DMRT1: variants seen among roughly 807,000 people sequenced by gnomAD.
DMRT1 encodes doublesex- and mab-3-related transcription factor 1.
In DMRT1, 7 loss-of-function variants were observed where a neutral mutation model predicts 32.3. The ratio of observed to expected loss-of-function variants is 0.22; its 90% CI spans 0.12 to 0.41. The LOEUF is 0.41. DMRT1 is among the 10% of genes least tolerant of loss of function. The pLI, the probability that DMRT1 is intolerant of heterozygous loss-of-function variation, is 1.00. For missense variants in DMRT1, 625 were observed against 500.5 expected, an observed-to-expected ratio of 1.25 and a Z score of -2.37; for synonymous variants, 278 against 206.1, an observed-to-expected ratio of 1.35 and a Z score of -2.99.
intron 2 of DMRT1, among the ~76,000 whole-genome samples, chr9:873,485 TC>T (rs1278135704): frequency 6.6e-6 from 1 of 151,876 alleles, no homozygotes; most frequent in Non-Finnish European, 1.5e-5. Context: ...TTTTGTATTT[TC>T]TTTTTTTTTT....
chr9:872,687 T>G (rs1329195689), intron 2 of DMRT1, among the ~76,000 whole-genome samples: 1 of 152,254 alleles, frequency 6.6e-6, no homozygotes, highest in Non-Finnish European at 1.5e-5. Context: ...ATCAGTATTT[T>G]ATTGTATGAA....
At chr9:958,810 G>C (rs890299847) in intron 4 of DMRT1, among the ~76,000 whole-genome samples, 1 of 152,252 alleles carries the variant, frequency 6.6e-6, no homozygotes, top group Admixed American at 6.5e-5. Flanking sequence ...TTGTGGATTA[G>C]ATAGGAAACC....
At chr9:874,007 TATGGTGACC>T (rs1422453499) in intron 2 of DMRT1, among the ~76,000 whole-genome samples, 1 of 152,190 alleles carries the variant, frequency 6.6e-6, no homozygotes, top group Non-Finnish European at 1.5e-5. Context: ...TCCTACAGAG[TATGGTGACC>T]ATGTATTTTG....
In DMRT1 at chr9:937,303, A is replaced by G. The variant is rs34723874; in HGVS notation, c.967+20396A>G. On this transcript the variant is annotated intron_variant, in intron 4 of 4. Transcript: ENST00000382276. ...CTACTGTGAAATAATGCTGCTGTGA[A>G]GTTTGGTGTACAAGTATCTGTGTGA... Among the ~76,000 whole-genome samples, 353 of 147,462 alleles carry G rather than the reference A, an allele frequency of 2.4e-3. 1 individual carries two copies. The highest frequency in any genetic ancestry group is 8.6e-3 in the African/African-American group (329 of 38,426).
chr9:902,333 C>G (rs1170302069), intron 3 of DMRT1, among the ~76,000 whole-genome samples: 1 of 151,730 alleles, frequency 6.6e-6, no homozygotes, highest in Non-Finnish European at 1.5e-5. Flanking sequence ...ACACCCCCTC[C>G]TCCTCCACCT....
chr9:941,610 A>C (rs1199932703), intron 4 of DMRT1, among the ~76,000 whole-genome samples: 1 of 152,130 alleles, frequency 6.6e-6, no homozygotes, highest in East Asian at 1.9e-4. Flanking sequence ...CTGGAGATGG[A>C]GGGTGGTGAT....
chr9:910,178 A>G (rs568353149), intron 3 of DMRT1, among the ~76,000 whole-genome samples: 1 of 152,270 alleles, frequency 6.6e-6, no homozygotes, highest in South Asian at 2.1e-4. Context: ...AACGCTGAAG[A>G]TTTTTTTGTC....
intron 2 of DMRT1, among the ~76,000 whole-genome samples, chr9:874,130 T>G (rs2132615512): frequency 6.6e-6 from 1 of 152,362 alleles, no homozygotes; most frequent in East Asian, 1.9e-4. Context: ...GAATAGGGGG[T>G]AGAATCTCTT....
chr9:869,144 G>A (rs1816120615), intron 2 of DMRT1, among the ~76,000 whole-genome samples: 1 of 152,336 alleles, frequency 6.6e-6, no homozygotes, highest in Non-Finnish European at 1.5e-5. Context: ...GACATCCAAA[G>A]GACCTTGTTA....
At chr9:959,073 A>G (rs1819687592) in intron 4 of DMRT1, among the ~76,000 whole-genome samples, 1 of 152,264 alleles carries the variant, frequency 6.6e-6, no homozygotes, top group Non-Finnish European at 1.5e-5. Context: ...GGCAAATGTC[A>G]CAGCCTACTT....
At chr9:919,425 AG>A (rs147912794) in intron 4 of DMRT1, among the ~76,000 whole-genome samples, 3 of 52,480 alleles carry the variant, frequency 5.7e-5, no homozygotes, top group East Asian at 6.5e-4. Context: ...GGGCGGGGGG[AG>A]GGGGGCATTT....
chr9:935,252 T>C (rs1413963330), intron 4 of DMRT1, among the ~76,000 whole-genome samples: 1 of 152,226 alleles, frequency 6.6e-6, no homozygotes, highest in Non-Finnish European at 1.5e-5. Flanking sequence ...TATCCTCTAG[T>C]GTCCTATAGG....
intron 3 of DMRT1, among the ~76,000 whole-genome samples, chr9:903,283 C>A (rs73378443): frequency 3.9e-3 from 587 of 151,438 alleles, no homozygotes; most frequent in African/African-American, 0.013. Flanking sequence ...CCACATTACT[C>A]CTCTGAAGCA....
rs548832982 is a variant in DMRT1 at position 901,708 on chromosome 9, A to G, written c.822+7513A>G. ...ACTGAGCTCCACGGTCAGGTTTCCC[A>G]GGATGATGTGCTCTGGTCACTGGAA... On this transcript the variant is annotated intron_variant, in intron 3 of 4. Transcript: ENST00000382276. Among the ~76,000 whole-genome samples the G allele has an allele frequency of 2.6e-5, 4 of 151,816 alleles. No homozygotes were observed. The South Asian group carries it at 8.3e-4, about 32-fold the overall frequency.
At chr9:955,982 C>T (rs1819586782) in intron 4 of DMRT1, among the ~76,000 whole-genome samples, 1 of 152,172 alleles carries the variant, frequency 6.6e-6, no homozygotes, top group African/African-American at 2.4e-5. Context: ...TTTGTATACC[C>T]ATGTTCATAT....
intron 4 of DMRT1, among the ~76,000 whole-genome samples, chr9:929,434 T>C (rs560170157): frequency 3.9e-4 from 59 of 152,154 alleles, no homozygotes; most frequent in Non-Finnish European, 6.8e-4. Flanking sequence ...AAGAGGGCAA[T>C]GCTAATCATG....
At chr9:844,118 G>T (rs1219937399) in intron 1 of DMRT1, among the ~76,000 whole-genome samples, 1 of 151,986 alleles carries the variant, frequency 6.6e-6, no homozygotes, top group Non-Finnish European at 1.5e-5. Context: ...TCTAGTAGAG[G>T]AATTAATTTT....
At chr9:886,253 T>A (rs1359783075) in intron 2 of DMRT1, among the ~76,000 whole-genome samples, 1 of 152,136 alleles carries the variant, frequency 6.6e-6, no homozygotes, top group Non-Finnish European at 1.5e-5. Flanking sequence ...TGTGTTTTTT[T>A]GTTTGTTTGT....
At position 958,062 on chromosome 9, in the gene DMRT1, T is replaced by C. The variant is rs1439131094; in HGVS notation, c.968-9923T>C. Among the ~76,000 whole-genome samples, 10 of 152,180 alleles carry C rather than the reference T, an allele frequency of 6.6e-5. No individual in the cohort carries two copies. In the East Asian group the frequency reaches 1.9e-3, roughly 29 times the overall value. ...CTAATAATTTATGAATCTTAAATTT[T>C]CATTAATGCTGGTTATAAAGAAACA... On this transcript the variant is annotated intron_variant, in intron 4 of 4. Transcript: ENST00000382276.
Sources: gnomAD v4.1 joint callset for allele counts (sites outside exome capture counted in the v4.1 genomes callset) on GRCh38, gnomAD v4.1.1 for gene constraint, MANE v1.5 for transcripts, NCBI Gene and HGNC (gene_info 2026-07-23, HGNC 2026-07-21) for gene names.